Variants in OS9 observed in about 807,000 individuals in gnomAD.
The protein encoded by OS9 is protein OS-9.
A neutral mutation model predicts 84.7 loss-of-function variants in OS9; 58 were observed. The ratio of observed to expected loss-of-function variants is 0.68; its 90% CI spans 0.55 to 0.85. OS9 has a LOEUF of 0.85. Among genes scored for constraint, OS9 ranks in the 40% least tolerant of loss-of-function variants. The pLI, the probability that OS9 is intolerant of heterozygous loss-of-function variation, is 0.00. For synonymous variants in OS9, 278 were observed against 320.8 expected (o/e 0.87, Z 1.43); for missense variants, 760 against 850.9 (o/e 0.89, Z 1.33).
intron 5 of OS9, among the ~76,000 whole-genome samples, chr12:57,713,498 C>T (rs1191387603): frequency 1.3e-5 from 2 of 152,072 alleles, no homozygotes; most frequent in African/African-American, 4.8e-5. Context: ...GGCCCCGATA[C>T]TTTTGTCCCA....
At chr12:57,695,284 T>G (rs576423487) in intron 2 of OS9, 2 of 387,642 alleles carry the variant, frequency 5.2e-6, no homozygotes, top group African/African-American at 2.1e-5. Flanking sequence ...TTTCATGATC[T>G]GAAATCATAT....
Position 57,694,940 on chromosome 12 carries a change from G to T in OS9, c.339+14G>T. Reference sequence around the variant, plus strand: ...TGCTTGCTGAAGGTGAAAGGGACTGGGTTAGATAGAATGAGGGCTTGGAAA... The same window carrying T: ...TGCTTGCTGAAGGTGAAAGGGACTGTGTTAGATAGAATGAGGGCTTGGAAA... On this transcript the variant is annotated intron_variant, in intron 2 of 14. Coordinates refer to ENST00000315970, the MANE Select transcript of OS9 (RefSeq NM_006812.4). 6.2e-7 allele frequency: 1 copy of T among 1,612,790 alleles called. No individual in the cohort carries two copies. The highest frequency in any genetic ancestry group is 8.5e-7 in the Non-Finnish European group (1 of 1,178,858).
intron 5 of OS9, among the ~76,000 whole-genome samples, chr12:57,700,652 T>C (rs1188618884): frequency 6.6e-6 from 1 of 152,022 alleles, no homozygotes; most frequent in Non-Finnish European, 1.5e-5. Flanking sequence ...TATATGGAAT[T>C]AAATAAATTC....
chr12:57,716,050 AG>A (rs1954480533), intron 6 of OS9, 41 bp from the exon 7 acceptor site: 2 of 1,593,920 alleles, frequency 1.3e-6, no homozygotes, highest in African/African-American at 2.7e-5. Context: ...GAATAGCTGG[AG>A]GAATGTGTTC....
chr12:57,712,183 A>G (rs180754463), intron 5 of OS9, among the ~76,000 whole-genome samples: 1 of 152,088 alleles, frequency 6.6e-6, no homozygotes, highest in African/African-American at 2.4e-5. Flanking sequence ...TTCTTTTTCT[A>G]GTTTCTTAAG....
At chr12:57,719,302 T>A in intron 12 of OS9, 120 bp downstream of exon 12, 1 of 772,360 alleles carries the variant, frequency 1.3e-6, no homozygotes, top group South Asian at 1.8e-5. Flanking sequence ...CTCCCCACTT[T>A]CTGGAACACT....
At chr12:57,720,672 C>T in intron 14 of OS9, 112 bp from the exon 15 acceptor site, 1 of 1,359,048 alleles carries the variant, frequency 7.4e-7, no homozygotes, top group Non-Finnish European at 1.0e-6. Context: ...GCAGGAAGAG[C>T]CCCTCAGGAC....
chr12:57,701,097 C>T (rs560508248), intron 5 of OS9, among the ~76,000 whole-genome samples: 2 of 152,176 alleles, frequency 1.3e-5, no homozygotes, highest in East Asian at 1.9e-4. Flanking sequence ...GAAACAACCA[C>T]AACCCTCACT....
chr12:57,703,143 C>T lies in OS9; in HGVS notation c.579+6770C>T, dbSNP rs559690116. The stretch of plus-strand genomic sequence containing the variant: ...CGATCTCAGCTCACTGCAACCTCCG[C>T]CTCCCAGGTTCAAGCGATTCTCCTG... On this transcript the variant is annotated intron_variant, in intron 5 of 14. Coordinates refer to ENST00000315970, the MANE Select transcript of OS9 (RefSeq NM_006812.4). Among the ~76,000 whole-genome samples, 3 of 152,240 alleles carry T rather than the reference C, an allele frequency of 2.0e-5. No individual in the cohort carries two copies. In the South Asian group the frequency reaches 6.2e-4, roughly 32 times the overall value.
chr12:57,705,277 G>T (rs1954133244), intron 5 of OS9, among the ~76,000 whole-genome samples: 1 of 152,128 alleles, frequency 6.6e-6, no homozygotes, highest in South Asian at 2.1e-4. Flanking sequence ...ATTTTAGACT[G>T]ATTTGAAGAG....
chr12:57,718,082 GCC>G (rs903656136), intron 10 of OS9, 62 bp from the exon 11 acceptor site: 222 of 1,565,050 alleles, frequency 1.4e-4, no homozygotes, highest in Non-Finnish European at 1.9e-4. Context: ...CTGTTTGTCT[GCC>G]CCCGACCATG....
intron 14 of OS9, 80 bp from the exon 15 acceptor site, chr12:57,720,704 C>T: frequency 6.6e-7 from 1 of 1,525,546 alleles, no homozygotes; most frequent in Non-Finnish European, 8.9e-7. Context: ...CATTCCCTGC[C>T]TTCCCCCAGC....
chr12:57,720,819 G>T lies in OS9; in HGVS notation c.1914G>T (p.Gln638His), dbSNP rs780771006. 10 of 1,613,618 alleles carry T rather than the reference G, an allele frequency of 6.2e-6. No individual in the cohort carries two copies. The South Asian group carries it at 1.1e-4, about 18-fold the overall frequency. The change falls in exon 15 of 15, where the codon CAG becomes CAT. Residue 638 changes from glutamine (Q) to histidine (H), a missense_variant. Physicochemically the swap from Gln to His is conservative, Grantham distance 24 (BLOSUM62 0). Transcript: ENST00000315970. ...CTGAAGAGGCCCAGAAGGAACGCCAGCGGCAGAAAGAGCTGGAGAGCAATT... is the reference window on the plus strand; with the variant it reads ...CTGAAGAGGCCCAGAAGGAACGCCATCGGCAGAAAGAGCTGGAGAGCAATT... ...PGAEEAQKER[Q>H]RQKELESNYR...
chr12:57,697,928 C>CGGAACCTAACATAAGCAA (rs1565767169), intron 5 of OS9, among the ~76,000 whole-genome samples: 4 of 71,748 alleles, frequency 5.6e-5, no homozygotes, highest in African/African-American at 1.8e-4. Context: ...CACACATACA[C>CGGAACCTAACATAAGCAA]ACACACACAC....
At position 57,716,479 on chromosome 12, in the gene OS9, C is replaced by T. The variant is rs766130962; in HGVS notation, c.960C>T (p.Asp320=). 6 of 1,574,794 alleles carry T rather than the reference C, an allele frequency of 3.8e-6. No homozygotes were observed. Among genetic ancestry groups the T allele is most frequent in the Non-Finnish European group, 5.2e-6 (6 of 1,159,438 alleles). ...DFWKMLNEPE[D]QAPGGEEVPA... ...GGAAGATGCTTAATGAGCCAGAGGACCAGGCCCCAGGAGGGGAGGAGGTGC... is the reference window on the plus strand; with the variant it reads ...GGAAGATGCTTAATGAGCCAGAGGATCAGGCCCCAGGAGGGGAGGAGGTGC... Residue 320 remains aspartate, a synonymous_variant, in exon 8 of 15, where the codon GAC becomes GAT. Coordinates refer to ENST00000315970, the MANE Select transcript of OS9 (RefSeq NM_006812.4).
intron 5 of OS9, among the ~76,000 whole-genome samples, chr12:57,703,684 T>G (rs1221929502): frequency 6.6e-6 from 1 of 152,244 alleles, no homozygotes; most frequent in East Asian, 1.9e-4. Context: ...TCAGGAAATG[T>G]GAGTCCTCTA....
chr12:57,705,954 T>C (rs1297155610), intron 5 of OS9, among the ~76,000 whole-genome samples: 2 of 152,262 alleles, frequency 1.3e-5, no homozygotes, highest in African/African-American at 2.4e-5. Context: ...GGATTTTCTG[T>C]ATAGATAATT....
At position 57,721,407 on chromosome 12, in the gene OS9, G is replaced by C. The variant is rs1014230149; in HGVS notation, c.*498G>C. 6.4e-6 allele frequency: 1 copy of C among 155,182 alleles called. No homozygotes were observed. The highest frequency in any genetic ancestry group is 6.1e-5 in the Admixed American group (1 of 16,498). The allele number at this position is 155,182 out of a possible 1,614,324, so 9.6% of individuals were successfully genotyped here. A position where few individuals can be genotyped will look rare whatever the true frequency, so the allele number is the denominator to read the frequency against. On this transcript the variant is annotated 3_prime_UTR_variant, in exon 15 of 15. Coordinates refer to ENST00000315970, the MANE Select transcript of OS9 (RefSeq NM_006812.4). ...CTGCCCACCCTGTCCCCTACAATTT[G>C]TGCTTCTGAGTTGAGGAGCCTTCAC... is the stretch of plus-strand genomic sequence containing the variant.
At position 57,695,647 on chromosome 12, in the gene OS9, G is replaced by C. The variant is rs1270576163; in HGVS notation, c.340-133G>C. 6.8e-6 allele frequency: 5 copies of C among 737,344 alleles called. No homozygotes were observed. In the Admixed American group the frequency reaches 9.7e-5, roughly 14 times the overall value. The allele number at this position is 737,344 out of a possible 1,614,324, so 45.7% of individuals were successfully genotyped here. ...CCTTACTGAAAGTCTGGAGAATTGA[G>C]AGTGGAAGTGAAGGGAAGAGAATTG... On this transcript the variant is annotated intron_variant, in intron 2 of 14. Coordinates refer to ENST00000315970, the MANE Select transcript of OS9 (RefSeq NM_006812.4).
Sources: gnomAD v4.1 joint callset for allele counts (sites outside exome capture counted in the v4.1 genomes callset) on GRCh38, gnomAD v4.1.1 for gene constraint, MANE v1.5 for transcripts, NCBI Gene and HGNC (gene_info 2026-07-23, HGNC 2026-07-21) for gene names.